Variants in UNC13C observed in about 807,000 individuals in gnomAD.
UNC13C encodes the protein unc-13 homolog C, also known as protein unc-13 homolog C.
A neutral mutation model predicts 245.4 loss-of-function variants in UNC13C; 174 were observed. The observed-to-expected ratio is 0.71, with a 90% CI of 0.63 to 0.80. UNC13C has a LOEUF of 0.80. UNC13C is among the 30% of genes least tolerant of loss of function. The pLI is 0.00. For missense variants in UNC13C, 2,829 were observed against 2,602.9 expected, an observed-to-expected ratio of 1.09 and a Z score of -1.89; for synonymous variants, 992 against 895.1, an observed-to-expected ratio of 1.11 and a Z score of -1.93.
chr15:54,391,206 A>G (rs2039949335), intron 17 of UNC13C, among the ~76,000 whole-genome samples: 1 of 152,078 alleles, frequency 6.6e-6, no homozygotes, highest in Non-Finnish European at 1.5e-5. Flanking sequence ...AATATGTAAG[A>G]CATATATTTT....
rs56316345 is a variant in UNC13C at position 54,172,703 on chromosome 15, G to GATATATAT, written c.3071+29070_3071+29077dup. Among the ~76,000 whole-genome samples, 67 of 78,366 alleles carry GATATATAT rather than the reference G, an allele frequency of 8.5e-4. 1 individual carries two copies. Among genetic ancestry groups the GATATATAT allele is most frequent in the Non-Finnish European group, 1.1e-3 (43 of 39,050 alleles). The allele number at this position is 78,366 out of a possible 152,430, so 51.4% of individuals were successfully genotyped here. A position where few individuals can be genotyped will look rare whatever the true frequency, so the allele number is the denominator to read the frequency against. On this transcript the variant is annotated intron_variant, in intron 4 of 32. Coordinates refer to ENST00000260323, the MANE Select transcript of UNC13C (RefSeq NM_001080534.3). ...TATGACAAAGTCAAATACACACACA[G>GATATATAT]ATATATATATATATATATATATATA... is the stretch of plus-strand genomic sequence containing the variant.
chr15:54,377,851 A>G (rs954430600), intron 17 of UNC13C, among the ~76,000 whole-genome samples: 1 of 152,204 alleles, frequency 6.6e-6, no homozygotes, highest in Non-Finnish European at 1.5e-5. Context: ...ATTGGTGATT[A>G]GGTATCAATG....
rs148037595 is a variant in UNC13C, at chr15:54,589,195, C to T, written c.6106+21248C>T. 3.1e-3 allele frequency among the ~76,000 whole-genome samples: 461 copies of T among 149,796 alleles called. 2 individuals carry two copies. Among genetic ancestry groups the T allele is most frequent in the African/African-American group, 0.01 (417 of 40,890 alleles). ...CATTCTTGCAAGAGTAAGGTGGTATCGCATTGTGGTTTTGATTTGCATTTC... is the reference window on the plus strand; with the variant it reads ...CATTCTTGCAAGAGTAAGGTGGTATTGCATTGTGGTTTTGATTTGCATTTC... On this transcript the variant is annotated intron_variant, in intron 30 of 32. Coordinates refer to ENST00000260323, the MANE Select transcript of UNC13C (RefSeq NM_001080534.3).
At chr15:54,341,124 TCA>T (rs1277533980) in intron 17 of UNC13C, among the ~76,000 whole-genome samples, 2 of 152,086 alleles carry the variant, frequency 1.3e-5, no homozygotes, top group African/African-American at 4.8e-5. Flanking sequence ...CAAAAGAAAA[TCA>T]GTTTTTCTAC....
At chr15:53,859,261 A>G in the UNC13C span, among the ~76,000 whole-genome samples, 1 of 152,146 alleles carries the variant, frequency 6.6e-6, no homozygotes, top group Non-Finnish European at 1.5e-5. Context: ...TTGTATAATT[A>G]TTGCTAGATG....
At chr15:54,288,442 A>G (rs2037206018) in intron 10 of UNC13C, among the ~76,000 whole-genome samples, 1 of 152,142 alleles carries the variant, frequency 6.6e-6, no homozygotes, top group South Asian at 2.1e-4. Flanking sequence ...GGACCATCCC[A>G]GGAAATCCAG....
intron 2 of UNC13C, among the ~76,000 whole-genome samples, chr15:54,025,756 C>T (rs1896082572): frequency 6.6e-6 from 1 of 152,172 alleles, no homozygotes; most frequent in Admixed American, 6.5e-5. Flanking sequence ...CATAAGCCAG[C>T]ACTCAAACGA....
intron 22 of UNC13C, among the ~76,000 whole-genome samples, chr15:54,506,176 A>G (rs940204749): frequency 2.6e-5 from 4 of 152,220 alleles, no homozygotes; most frequent in Admixed American, 6.5e-5. Flanking sequence ...TAAGCAAGTT[A>G]CAATGTCTGA....
intron 16 of UNC13C, among the ~76,000 whole-genome samples, chr15:54,334,308 A>T (rs1198697555): frequency 1.3e-5 from 2 of 152,112 alleles, no homozygotes; most frequent in Non-Finnish European, 2.9e-5. Context: ...AATATATTTG[A>T]TCACCTATCT....
At chr15:53,855,787 A>T in the UNC13C span, among the ~76,000 whole-genome samples, 1 of 152,200 alleles carries the variant, frequency 6.6e-6, no homozygotes, top group Non-Finnish European at 1.5e-5. Context: ...TTTTTGTATC[A>T]GGATGATCCT....
chr15:53,861,633 A>T, the UNC13C span, among the ~76,000 whole-genome samples: 1 of 152,274 alleles, frequency 6.6e-6, no homozygotes, highest in Admixed American at 6.5e-5. Context: ...GTGCAAACAC[A>T]TGTGTGTTAA....
At chr15:54,578,350 C>T (rs1353177963) in intron 30 of UNC13C, among the ~76,000 whole-genome samples, 1 of 152,034 alleles carries the variant, frequency 6.6e-6, no homozygotes, top group Non-Finnish European at 1.5e-5. Context: ...TTTTATCGCA[C>T]TCACATTTTT....
chr15:54,067,918 C>A (rs1317747751), intron 2 of UNC13C, among the ~76,000 whole-genome samples: 1 of 152,280 alleles, frequency 6.6e-6, no homozygotes, highest in South Asian at 2.1e-4. Context: ...GTAATATTGC[C>A]AGGTAAAATA....
chr15:53,879,670 C>A, the UNC13C span, among the ~76,000 whole-genome samples: 1 of 151,998 alleles, frequency 6.6e-6, no homozygotes, highest in Admixed American at 6.6e-5. Flanking sequence ...CTCACTGCAA[C>A]CTCCACCTCC....
intron 30 of UNC13C, among the ~76,000 whole-genome samples, chr15:54,602,930 G>C (rs1010330572): frequency 8.9e-5 from 1 of 11,212 alleles, no homozygotes; most frequent in African/African-American, 2.7e-3. Context: ...GTTGGCCTCT[G>C]TGTCTGGAGA....
rs1895531534 is a variant in UNC13C at position 54,014,284 on chromosome 15, A to G, written c.1381A>G (p.Asn461Asp). 6.2e-7 allele frequency: 1 copy of G among 1,613,824 alleles called. No homozygotes were observed. Among genetic ancestry groups the G allele is most frequent in the South Asian group, 1.1e-5 (1 of 91,078 alleles). Residue 461 changes from asparagine (N) to aspartate (D), a missense_variant, in exon 2 of 33, where the codon AAT (asparagine) becomes GAT (aspartate). By Grantham distance (23) the Asn-to-Asp change is conservative. Transcript: ENST00000260323. ...DSDEDLESDL[N>D]RNSYAVLSKS... ...TGATGAAGATCTTGAATCTGACCTC[A>G]ATAGAAACAGTTACGCTGTGCTTTC...
chr15:54,116,423 A>G (rs1315293113), intron 2 of UNC13C, among the ~76,000 whole-genome samples: 1 of 151,794 alleles, frequency 6.6e-6, no homozygotes, highest in East Asian at 1.9e-4. Context: ...TATCTTTATA[A>G]CCTCTTCCCC....
the UNC13C span, among the ~76,000 whole-genome samples, chr15:53,972,357 G>C: frequency 6.6e-6 from 1 of 152,090 alleles, no homozygotes; most frequent in East Asian, 1.9e-4. Flanking sequence ...CTAGGAAACG[G>C]GAGAATCTGA....
chr15:54,297,846 A>G lies in UNC13C; in HGVS notation c.4024A>G (p.Ile1342Val). The change falls in exon 12 of 33, where the codon ATA becomes GTA. Residue 1342 changes from isoleucine to valine, a missense_variant. Ile to Val is a conservative substitution (Grantham distance 29). Coordinates refer to ENST00000260323, the MANE Select transcript of UNC13C (RefSeq NM_001080534.3). ...AGATAAGTCAGCTGTATCTGGGGCCATACGATTGAAAATCAATGTGGAGAT... is the reference window on the plus strand; with the variant it reads ...AGATAAGTCAGCTGTATCTGGGGCCGTACGATTGAAAATCAATGTGGAGAT... ...RTDKSAVSGA[I>V]RLKINVEIKG... 1 of 1,610,898 alleles carries G rather than the reference A, an allele frequency of 6.2e-7. No homozygotes were observed. The highest frequency in any genetic ancestry group is 8.5e-7 in the Non-Finnish European group (1 of 1,178,492).
Sources: gnomAD v4.1 joint callset for allele counts (sites outside exome capture counted in the v4.1 genomes callset) on GRCh38, gnomAD v4.1.1 for gene constraint, MANE v1.5 for transcripts, NCBI Gene and HGNC (gene_info 2026-07-23, HGNC 2026-07-21) for gene names.